MOCOS: variants seen among roughly 807,000 people sequenced by gnomAD.
MOCOS encodes human molybdenum cofactor sulfurase.
Under a neutral mutation model 83.6 loss-of-function variants are expected in MOCOS, and 86 were observed. The ratio of observed to expected loss-of-function variants is 1.03; its 90% CI spans 0.86 to 1.23. MOCOS has a LOEUF of 1.23. MOCOS is among the 50% of genes most tolerant of loss of function. The pLI is 0.00. For synonymous variants in MOCOS, 445 were observed against 434.7 expected (o/e 1.02, Z -0.29); for missense variants, 1,120 against 1,126.9 (o/e 0.99, Z 0.09).
At chr18:36,263,583 G>A (rs1366960085) in intron 13 of MOCOS, among the ~76,000 whole-genome samples, 1 of 152,204 alleles carries the variant, frequency 6.6e-6, no homozygotes, top group East Asian at 1.9e-4. Context: ...GTTGTATGCA[G>A]TTACATGACA....
chr18:36,260,343 G>T (rs1456566724), intron 13 of MOCOS, among the ~76,000 whole-genome samples, 168 bp downstream of exon 13: 2 of 152,306 alleles, frequency 1.3e-5, no homozygotes, highest in East Asian at 3.9e-4. Context: ...ACACCCCATG[G>T]AATAATCCAT....
chr18:36,229,937 G>A (rs1028384965), intron 9 of MOCOS, among the ~76,000 whole-genome samples: 1 of 151,862 alleles, frequency 6.6e-6, no homozygotes, highest in African/African-American at 2.4e-5. Flanking sequence ...TGTCTTTATA[G>A]AGTTATTTTA....
intron 1 of MOCOS, chr18:36,189,689 G>C (rs944405417): frequency 6.6e-6 from 1 of 152,160 alleles, no homozygotes; most frequent in South Asian, 2.1e-4. Context: ...GGAAGCCTTC[G>C]TGCTGAATCA....
chr18:36,200,385 T>C, intron 4 of MOCOS, 61 bp downstream of exon 4: 1 of 1,594,012 alleles, frequency 6.3e-7, no homozygotes, highest in Non-Finnish European at 8.6e-7. Context: ...GGCCTGTTTC[T>C]CCTGGAGGAT....
intron 9 of MOCOS, among the ~76,000 whole-genome samples, chr18:36,233,649 C>T (rs1305603882): frequency 6.6e-6 from 1 of 152,146 alleles, no homozygotes. Context: ...TTTACATTCC[C>T]ACCAGCAGTG....
intron 12 of MOCOS, among the ~76,000 whole-genome samples, chr18:36,257,761 G>T (rs1470049664): frequency 6.6e-6 from 1 of 152,180 alleles, no homozygotes; most frequent in Non-Finnish European, 1.5e-5. Flanking sequence ...TGGTCCACAG[G>T]CCAGAGATGA....
At chr18:36,265,799 A>T (rs1182946777) in intron 13 of MOCOS, among the ~76,000 whole-genome samples, 3 of 151,970 alleles carry the variant, frequency 2.0e-5, no homozygotes, top group Admixed American at 6.6e-5. Flanking sequence ...TTTGTTTCCT[A>T]CTTATTACAG....
chr18:36,240,510 G>C (rs998865341), intron 9 of MOCOS, among the ~76,000 whole-genome samples: 2 of 149,992 alleles, frequency 1.3e-5, no homozygotes, highest in African/African-American at 4.9e-5. Context: ...CTCCAGCTGC[G>C]TGCTGGGAGA....
intron 9 of MOCOS, among the ~76,000 whole-genome samples, chr18:36,221,602 GTGTTCTGTTC>G (rs10618481): frequency 0.44 from 66,838 of 150,582 alleles, 16,063 homozygotes; most frequent in Non-Finnish European, 0.53. Flanking sequence ...TTGGCTGTAA[GTGTTCTGTTC>G]TGTTCTGTTC....
chr18:36,199,604 A>G, intron 3 of MOCOS, 79 bp from the exon 4 acceptor site: 1 of 1,597,046 alleles, frequency 6.3e-7, no homozygotes, highest in Non-Finnish European at 8.5e-7. Flanking sequence ...TGTCATAGTT[A>G]ATAGAAATAA....
chr18:36,257,098 G>A (rs757690595), intron 12 of MOCOS, 25 bp downstream of exon 12: 1 of 1,586,314 alleles, frequency 6.3e-7, no homozygotes, highest in Non-Finnish European at 8.7e-7. Context: ...CTCGGGACTA[G>A]CAGACAAGCA....
At chr18:36,221,295 TA>T (rs1207462763) in intron 9 of MOCOS, among the ~76,000 whole-genome samples, 92 of 152,332 alleles carry the variant, frequency 6.0e-4, no homozygotes, top group African/African-American at 2.2e-3. Flanking sequence ...AGCACGGGTA[TA>T]AAGAATAATA....
At position 36,199,841 on chromosome 18, in the gene MOCOS, C is replaced by T. The variant is rs1214645430; in HGVS notation, c.458C>T (p.Thr153Ile). 15 of 1,614,172 alleles carry T rather than the reference C, an allele frequency of 9.3e-6. No individual in the cohort carries two copies. The highest frequency in any genetic ancestry group is 1.2e-5 in the Non-Finnish European group (14 of 1,180,040). Residue 153 changes from threonine (T) to isoleucine (I), a missense_variant, in exon 4 of 15, where the codon ACC (threonine) becomes ATC (isoleucine). Transcript: ENST00000261326. ...SRFCYLTDSHTSVVGMRNVTM... is the reference protein window; with the variant it reads ...SRFCYLTDSHISVVGMRNVTM... ...TTCTGTTACCTCACCGACAGCCACA[C>T]CTCCGTAGTGGGTATGCGGAACGTG...
chr18:36,187,692 C>A lies in MOCOS; in HGVS notation c.142+11C>A, dbSNP rs141031604. 25,075 of 1,264,752 alleles carry A rather than the reference C, an allele frequency of 0.02. 318 individuals are homozygous for A. The highest frequency in any genetic ancestry group is 0.023 in the Non-Finnish European group (22,763 of 1,005,306). The allele number at this position is 1,264,752 out of a possible 1,614,324, so 78.3% of individuals were successfully genotyped here. A position where few individuals can be genotyped will look rare whatever the true frequency, so the allele number is the denominator to read the frequency against. On this transcript the variant is annotated intron_variant, in intron 1 of 14. Transcript: ENST00000261326. ...TCAGCCGCCTGGCAGGTGAGGCGGG[C>A]GGGCAGGCTTGGGGGACACGAGGTT...
intron 6 of MOCOS, among the ~76,000 whole-genome samples, chr18:36,206,991 A>G (rs2091437299): frequency 1.3e-5 from 2 of 152,170 alleles, no homozygotes; most frequent in Admixed American, 1.3e-4. Context: ...TCCTTTGGGT[A>G]TATACCAGTA....
At chr18:36,206,503 C>T (rs1008971583) in intron 6 of MOCOS, among the ~76,000 whole-genome samples, 3 of 152,028 alleles carry the variant, frequency 2.0e-5, no homozygotes, top group Non-Finnish European at 4.4e-5. Context: ...GCCTCAGCCT[C>T]CCAAAGTGCC....
At chr18:36,197,088 GA>G (rs2091391353) in intron 2 of MOCOS, among the ~76,000 whole-genome samples, 1 of 152,096 alleles carries the variant, frequency 6.6e-6, no homozygotes, top group South Asian at 2.1e-4. Context: ...TTAAGAGGAA[GA>G]GTGACATTGG....
chr18:36,189,240 G>A (rs2091355650), intron 1 of MOCOS, among the ~76,000 whole-genome samples: 1 of 152,080 alleles, frequency 6.6e-6, no homozygotes, highest in Admixed American at 6.6e-5. Context: ...ATGCAAAATT[G>A]GGATGTGTCA....
At chr18:36,232,406 A>G (rs535012840) in intron 9 of MOCOS, among the ~76,000 whole-genome samples, 8 of 152,352 alleles carry the variant, frequency 5.3e-5, no homozygotes, top group Admixed American at 2.6e-4. Context: ...TACAATATGT[A>G]ATAATAAAAT....
Sources: allele counts gnomAD v4.1 joint callset (sites outside exome capture counted in the v4.1 genomes callset), GRCh38; gene constraint gnomAD v4.1.1; transcripts MANE v1.5; gene names NCBI Gene and HGNC (gene_info 2026-07-23, HGNC 2026-07-21).